The following PLA2G15 variants were observed in gnomAD, a reference collection of about 807,000 sequenced individuals.
The protein encoded by PLA2G15 is lysosomal phospholipase A and acyltransferase.
In PLA2G15, 20 loss-of-function variants were observed where a neutral mutation model predicts 40.9. The ratio of observed to expected loss-of-function variants is 0.49; its 90% CI spans 0.34 to 0.71. The LOEUF (loss-of-function observed/expected upper bound fraction) is 0.71, where lower values mean the gene tolerates loss of function less well. PLA2G15 is among the 30% of genes least tolerant of loss of function. The probability of loss-of-function intolerance (pLI) is 0.01; values close to 1 mark genes in which losing one functional copy is unlikely to be tolerated. For missense variants in PLA2G15, 471 were observed against 541.9 expected, an observed-to-expected ratio of 0.87 and a Z score of 1.30; for synonymous variants, 223 against 228.2, an observed-to-expected ratio of 0.98 and a Z score of 0.21.
In PLA2G15 at chr16:68,249,564, C is replaced by A; in HGVS notation, c.284+118C>A. On this transcript the variant is annotated intron_variant, in intron 2 of 5. Transcript: ENST00000219345. Reference sequence around the variant, plus strand: ...ACTGACCTCTCTCCTTCCCCAGGTCCTCGGTCTGGTCTGGTCTGGTCTGGT... The same window carrying A: ...ACTGACCTCTCTCCTTCCCCAGGTCATCGGTCTGGTCTGGTCTGGTCTGGT... 6 of 957,022 alleles carry A rather than the reference C, an allele frequency of 6.3e-6. No homozygotes were observed. The highest frequency in any genetic ancestry group is 8.0e-6 in the Non-Finnish European group (5 of 622,264). 59.3% of individuals were successfully genotyped at this position (957,022 alleles called of 1,614,324 possible).
At chr16:68,245,599 G>A (rs922699069) in intron 1 of PLA2G15, 46 bp downstream of exon 1, 4 of 1,541,040 alleles carry the variant, frequency 2.6e-6, no homozygotes, top group Non-Finnish European at 3.5e-6. Flanking sequence ...GGCGGGACGG[G>A]CCGCGGGCGG....
chr16:68,252,827 A>G (rs1267086155), intron 2 of PLA2G15, among the ~76,000 whole-genome samples: 4 of 152,116 alleles, frequency 2.6e-5, no homozygotes, highest in Admixed American at 2.6e-4. Context: ...AAATAAATAA[A>G]TAAATTAGCC....
intron 1 of PLA2G15, among the ~76,000 whole-genome samples, chr16:68,246,655 G>A (rs1294430010): frequency 1.3e-5 from 2 of 151,726 alleles, no homozygotes; most frequent in East Asian, 3.9e-4. Flanking sequence ...TTGCAGGATA[G>A]GAATAACAGT....
In PLA2G15 at chr16:68,249,362, A is replaced by G. The variant is rs200315117; in HGVS notation, c.200A>G (p.Lys67Arg). The stretch of plus-strand genomic sequence containing the variant: ...ACAGTGGTGCACTACCTCTGCTCCA[A>G]GAAGACCGAAAGCTACTTCACAATC... Reference protein sequence around the residue: ...KPTVVHYLCSKKTESYFTIWL... With the variant: ...KPTVVHYLCSRKTESYFTIWL... Residue 67 changes from lysine (K) to arginine (R), a missense_variant, in exon 2 of 6, where the codon AAG becomes AGG. Lys to Arg is a conservative substitution (Grantham distance 26). Coordinates refer to ENST00000219345, the MANE Select transcript of PLA2G15 (RefSeq NM_012320.4). 6.8e-6 allele frequency: 11 copies of G among 1,614,138 alleles called. No homozygotes were observed. Among genetic ancestry groups the G allele is most frequent in the African/African-American group, 1.3e-5 (1 of 75,062 alleles).
At chr16:68,253,088 T>C (rs371490711) in intron 2 of PLA2G15, among the ~76,000 whole-genome samples, 1 of 152,332 alleles carries the variant, frequency 6.6e-6, no homozygotes. Flanking sequence ...CCCTGAGCCT[T>C]GTGGCTGCAG....
Position 68,255,915 on chromosome 16 carries a change from A to G in PLA2G15, c.652A>G (p.Lys218Glu). The G allele has an allele frequency of 1.2e-6, 2 of 1,613,518 alleles. No homozygotes were observed. Among genetic ancestry groups the G allele is most frequent in the Non-Finnish European group, 1.7e-6 (2 of 1,179,980 alleles). ...GCGGCAGCCGCAGGCCTGGAAGGAC[A>G]AGTATATCCGGGCCTTCGTGTCACT... is the stretch of plus-strand genomic sequence containing the variant. ...LQRQPQAWKD[K>E]YIRAFVSLGA... Residue 218 changes from lysine (K) to glutamate (E), a missense_variant, in exon 5 of 6, where the codon AAG becomes GAG. Lys to Glu is a moderately conservative substitution (Grantham distance 56). Coordinates refer to ENST00000219345, the MANE Select transcript of PLA2G15 (RefSeq NM_012320.4). This position sits in a 1 kb window ranked among gnomAD's most constrained non-coding sequence, Gnocchi z 5.9.
chr16:68,249,373 A>C lies in PLA2G15; in HGVS notation c.211A>C (p.Ser71Arg), dbSNP rs2042335679. The change falls in exon 2 of 6, where the codon AGC becomes CGC. Residue 71 changes from serine (S) to arginine (R), a missense_variant. Ser to Arg is a moderately radical substitution (Grantham distance 110, BLOSUM62 -1). Coordinates refer to ENST00000219345, the MANE Select transcript of PLA2G15 (RefSeq NM_012320.4). The stretch of plus-strand genomic sequence containing the variant: ...CTACCTCTGCTCCAAGAAGACCGAA[A>C]GCTACTTCACAATCTGGCTGAACCT... ...VHYLCSKKTE[S>R]YFTIWLNLEL... 1.9e-6 allele frequency: 3 copies of C among 1,614,016 alleles called. No homozygotes were observed. The highest frequency in any genetic ancestry group is 2.5e-6 in the Non-Finnish European group (3 of 1,180,010).
intron 1 of PLA2G15, among the ~76,000 whole-genome samples, chr16:68,247,786 G>C (rs2042321061): frequency 6.6e-6 from 1 of 152,250 alleles, no homozygotes; most frequent in African/African-American, 2.4e-5. Context: ...AGTTCCCAGT[G>C]AATGTCCAGG....
Position 68,245,558 on chromosome 16 carries a change from G to T in PLA2G15, c.127+5G>T. 1 of 1,572,188 alleles carries T rather than the reference G, an allele frequency of 6.4e-7. No homozygotes were observed. The highest frequency in any genetic ancestry group is 2.4e-5 in the East Asian group (1 of 42,396). ...GTCACCCCCCAGTGGTGCTGGGTGA[G>T]GCACGGGTCTCGTGGTGGATCTGTC... On this transcript the variant is annotated splice_donor_5th_base_variant and intron_variant, in intron 1 of 5. Coordinates refer to ENST00000219345, the MANE Select transcript of PLA2G15 (RefSeq NM_012320.4).
At chr16:68,250,764 C>T (rs1343578806) in intron 2 of PLA2G15, among the ~76,000 whole-genome samples, 1 of 152,214 alleles carries the variant, frequency 6.6e-6, no homozygotes, top group East Asian at 1.9e-4. Flanking sequence ...CCTGTAGTCC[C>T]AGCTACTTAG....
intron 5 of PLA2G15, among the ~76,000 whole-genome samples, chr16:68,256,651 C>T (rs1445683312): frequency 6.6e-6 from 1 of 152,034 alleles, no homozygotes; most frequent in Non-Finnish European, 1.5e-5. Context: ...GCTGGGATTA[C>T]AGGTGCCCGC....
Position 68,255,115 on chromosome 16 carries a change from T to G in PLA2G15, c.403+78T>G. 9.0e-7 allele frequency: 1 copy of G among 1,116,198 alleles called. No individual in the cohort carries two copies. The highest frequency in any genetic ancestry group is 2.4e-5 in the East Asian group (1 of 42,518). The allele number at this position is 1,116,198 out of a possible 1,614,324, so 69.1% of individuals were successfully genotyped here. On this transcript the variant is annotated intron_variant, in intron 3 of 5. Coordinates refer to ENST00000219345, the MANE Select transcript of PLA2G15 (RefSeq NM_012320.4). This position sits in a 1 kb window ranked among gnomAD's most constrained non-coding sequence, Gnocchi z 5.9. ...ACTGGAGCTGGAGCTGGAGGAACTCTGCTGGTTTGTAGGGACAGCCTGTGA... is the reference window on the plus strand; with the variant it reads ...ACTGGAGCTGGAGCTGGAGGAACTCGGCTGGTTTGTAGGGACAGCCTGTGA...
intron 1 of PLA2G15, 37 bp from the exon 2 acceptor site, chr16:68,249,253 G>A (rs777292285): frequency 5.3e-5 from 85 of 1,603,832 alleles, no homozygotes; most frequent in Admixed American, 1.3e-4. Flanking sequence ...TGAACCTGCC[G>A]GGCTGAGGGC....
At chr16:68,252,450 C>T in intron 2 of PLA2G15, 1 of 412,408 alleles carries the variant, frequency 2.4e-6, no homozygotes, top group Non-Finnish European at 4.9e-6. Context: ...CAAGGCTTTT[C>T]TCCTGGTATA....
At position 68,255,995 on chromosome 16, in the gene PLA2G15, G is replaced by A; in HGVS notation, c.727+5G>A. ...CCCTGCGCGTCCTGGCTTCAGGTAA[G>A]ACCCTACCTGGCCCAGCGTGGGGGG... On this transcript the variant is annotated splice_donor_5th_base_variant and intron_variant, in intron 5 of 5. Transcript: ENST00000219345. The surrounding 1 kb of genome is among the most constrained non-coding windows in gnomAD (Gnocchi z 5.9). 1 of 1,579,420 alleles carries A rather than the reference G, an allele frequency of 6.3e-7. No individual in the cohort carries two copies. The highest frequency in any genetic ancestry group is 1.1e-5 in the South Asian group (1 of 88,930).
intron 5 of PLA2G15, 64 bp downstream of exon 5, chr16:68,256,054 C>T (rs1485763197): frequency 9.4e-7 from 1 of 1,067,420 alleles, no homozygotes; most frequent in Non-Finnish European, 1.4e-6. Context: ...TCTTCCCTTC[C>T]TAAGTGTCCT....
At chr16:68,250,578 C>T (rs1257393606) in intron 2 of PLA2G15, among the ~76,000 whole-genome samples, 1 of 152,064 alleles carries the variant, frequency 6.6e-6, no homozygotes, top group Non-Finnish European at 1.5e-5. Context: ...GCCCCATTCA[C>T]TCTTTAAAAC....
At chr16:68,251,621 G>A (rs893790832) in intron 2 of PLA2G15, among the ~76,000 whole-genome samples, 3 of 152,168 alleles carry the variant, frequency 2.0e-5, no homozygotes, top group African/African-American at 7.2e-5. Flanking sequence ...GGTGGAAGTT[G>A]CAGTGAGCTG....
chr16:68,255,146 C>G lies in PLA2G15; in HGVS notation c.403+109C>G, dbSNP rs2042390149. ...TTTGTAGGGACAGCCTGTGAGCTGT[C>G]TCTGATCAGCGTGGGCACAGAGCCC... On this transcript the variant is annotated intron_variant, in intron 3 of 5. Transcript: ENST00000219345. This position sits in a 1 kb window ranked among gnomAD's most constrained non-coding sequence, Gnocchi z 5.9. 1.0e-6 allele frequency: 1 copy of G among 989,892 alleles called. No homozygotes were observed. Among genetic ancestry groups the G allele is most frequent in the South Asian group, 1.3e-5 (1 of 76,000 alleles). 61.3% of individuals were successfully genotyped at this position (989,892 alleles called of 1,614,324 possible).
Sources: gnomAD v4.1 joint callset for allele counts (sites outside exome capture counted in the v4.1 genomes callset) on GRCh38, gnomAD v4.1.1 for gene constraint, Gnocchi (gnomAD v3.1) non-coding constraint, MANE v1.5 for transcripts, NCBI Gene and HGNC (gene_info 2026-07-23, HGNC 2026-07-21) for gene names.